NPAS3: variants seen among roughly 807,000 people sequenced by gnomAD.
NPAS3 encodes neuronal PAS domain protein 3, also known as neuronal PAS domain-containing protein 3.
A neutral mutation model predicts 73.1 loss-of-function variants in NPAS3; 14 were observed. That is an observed-to-expected ratio of 0.19 (90% CI 0.13 to 0.30). The LOEUF (loss-of-function observed/expected upper bound fraction) is 0.30. Among genes scored for constraint, NPAS3 ranks in the 10% least tolerant of loss-of-function variants. The pLI is 1.00. For synonymous variants in NPAS3, 620 were observed against 541.5 expected, an observed-to-expected ratio of 1.14 and a Z score of -2.01; for missense variants, 1,096 against 1,250.0, an observed-to-expected ratio of 0.88 and a Z score of 1.86.
At chr14:33,521,708 T>C (rs1443282433) in intron 4 of NPAS3, among the ~76,000 whole-genome samples, 1 of 152,172 alleles carries the variant, frequency 6.6e-6, no homozygotes, top group African/African-American at 2.4e-5. Flanking sequence ...TCTTCCCAAC[T>C]GAGTTTCTTA....
chr14:33,524,803 G>T (rs574997799), intron 4 of NPAS3, among the ~76,000 whole-genome samples: 21 of 152,092 alleles, frequency 1.4e-4, no homozygotes, highest in Non-Finnish European at 2.9e-4. Flanking sequence ...GATCATCTTT[G>T]GTGGACCATC....
chr14:33,302,095 A>G (rs1013573097), intron 3 of NPAS3, among the ~76,000 whole-genome samples: 7 of 152,214 alleles, frequency 4.6e-5, no homozygotes, highest in African/African-American at 1.7e-4. Flanking sequence ...ATGTTTTTAA[A>G]TAAATAAATG....
rs140279258 is a variant in NPAS3 at position 33,403,097 on chromosome 14, A to G, written c.468+35829A>G. Reference sequence around the variant, plus strand: ...GATCTATGAACAATAGAAAGTCACCAGATAAAACCTTCAATACCAGTTTTC... The same window carrying G: ...GATCTATGAACAATAGAAAGTCACCGGATAAAACCTTCAATACCAGTTTTC... On this transcript the variant is annotated intron_variant, in intron 4 of 11. Coordinates refer to ENST00000356141, the Ensembl canonical transcript of NPAS3. Among the ~76,000 whole-genome samples, 348 of 152,246 alleles carry G rather than the reference A, an allele frequency of 2.3e-3. 1 individual carries two copies. Among genetic ancestry groups the G allele is most frequent in the African/African-American group, 8.1e-3 (337 of 41,574 alleles).
chr14:33,076,434 C>T (rs370164921), intron 2 of NPAS3, among the ~76,000 whole-genome samples: 15 of 152,278 alleles, frequency 9.9e-5, no homozygotes, highest in Admixed American at 5.2e-4. Flanking sequence ...TATTTGTTAA[C>T]GATATTTACC....
chr14:33,198,491 C>A (rs937922399), intron 2 of NPAS3, among the ~76,000 whole-genome samples: 3 of 152,180 alleles, frequency 2.0e-5, no homozygotes, highest in Non-Finnish European at 4.4e-5. Flanking sequence ...CAAGTCCTCA[C>A]CAGATTAACT....
intron 1 of NPAS3, among the ~76,000 whole-genome samples, chr14:32,963,555 G>A (rs75048421): frequency 3.9e-5 from 6 of 151,998 alleles, no homozygotes; most frequent in East Asian, 3.9e-4. Context: ...ATCCCTGCAC[G>A]TACTTACTGA....
At chr14:32,992,510 C>T (rs73266705) in intron 1 of NPAS3, among the ~76,000 whole-genome samples, 3,368 of 152,112 alleles carry the variant, frequency 0.022, 79 homozygotes, top group African/African-American at 0.062. Context: ...CTCTGCTTGT[C>T]CCTGGCCTAG....
chr14:33,322,584 G>T (rs138033651), intron 3 of NPAS3, among the ~76,000 whole-genome samples: 1 of 151,670 alleles, frequency 6.6e-6, no homozygotes, highest in Admixed American at 6.6e-5. Flanking sequence ...TTTTGTCATT[G>T]ACGTTCCCTC....
At chr14:33,538,450 C>T (rs1001439926) in intron 4 of NPAS3, among the ~76,000 whole-genome samples, 19 of 152,192 alleles carry the variant, frequency 1.2e-4, no homozygotes, top group Admixed American at 7.2e-4. Context: ...CAGCAGTTTA[C>T]AACTCTCTTT....
intron 4 of NPAS3, among the ~76,000 whole-genome samples, chr14:33,399,289 T>G (rs879506793): frequency 3.9e-5 from 6 of 152,022 alleles, no homozygotes; most frequent in Non-Finnish European, 7.4e-5. Flanking sequence ...ATGGAGAGAG[T>G]CTGACATTAC....
chr14:33,260,639 A>G (rs1175539879), intron 3 of NPAS3, among the ~76,000 whole-genome samples: 1 of 152,094 alleles, frequency 6.6e-6, no homozygotes, highest in Non-Finnish European at 1.5e-5. Context: ...TATCTACACT[A>G]TATTTCAGAA....
At chr14:33,117,410 A>G (rs1000023548) in intron 2 of NPAS3, among the ~76,000 whole-genome samples, 3 of 152,080 alleles carry the variant, frequency 2.0e-5, no homozygotes, top group African/African-American at 7.2e-5. Context: ...TGCTATTCCT[A>G]GTAAGTATCT....
chr14:33,503,392 C>A (rs920875197), intron 4 of NPAS3, among the ~76,000 whole-genome samples: 1 of 151,704 alleles, frequency 6.6e-6, no homozygotes, highest in Non-Finnish European at 1.5e-5. Context: ...GTTTTAGGGA[C>A]GAAGATAATG....
At chr14:33,735,412 A>C in intron 7 of NPAS3, 80 bp downstream of exon 7, 2 of 963,086 alleles carry the variant, frequency 2.1e-6, no homozygotes, top group Non-Finnish European at 3.4e-6. Context: ...CAGCTGCTTT[A>C]GGTCCATATA....
chr14:33,680,615 C>G, intron 6 of NPAS3: 1 of 702,632 alleles, frequency 1.4e-6, no homozygotes, highest in South Asian at 1.5e-5. Flanking sequence ...GTTTGCTTCC[C>G]ACCAGCGAGT....
At chr14:33,164,795 ACT>A (rs1394039131) in intron 2 of NPAS3, among the ~76,000 whole-genome samples, 7 of 150,366 alleles carry the variant, frequency 4.7e-5, no homozygotes, top group African/African-American at 1.7e-4. Flanking sequence ...CAGGGTGCTG[ACT>A]CTCAGAACCC....
At position 33,500,131 on chromosome 14, in the gene NPAS3, T is replaced by A. The variant is rs2052439282; in HGVS notation, c.469-59990T>A. 3.3e-5 allele frequency among the ~76,000 whole-genome samples: 5 copies of A among 151,984 alleles called. No individual in the cohort carries two copies. In the South Asian group the frequency reaches 1.0e-3, roughly 31 times the overall value. On this transcript the variant is annotated intron_variant, in intron 4 of 11. Coordinates refer to ENST00000356141, the Ensembl canonical transcript of NPAS3. ...TTGAGGAAGGCACCTAACCATTTGG[T>A]GTCCAGCAATCACTGAGCCATATAC...
intron 6 of NPAS3, among the ~76,000 whole-genome samples, chr14:33,695,343 TAAC>T (rs1057465593): frequency 2.0e-5 from 3 of 152,222 alleles, no homozygotes; most frequent in African/African-American, 4.8e-5. Context: ...CATTGTTGTA[TAAC>T]AACGTTAGTT....
chr14:33,774,367 A>G, exon 8 of NPAS3: 1 of 1,614,004 alleles, frequency 6.2e-7, no homozygotes, highest in Non-Finnish European at 8.5e-7. Flanking sequence ...GCTACGCCTG[A>G]GAGTGTCGCT....
Sources: allele counts gnomAD v4.1 joint callset (sites outside exome capture counted in the v4.1 genomes callset), GRCh38; gene constraint gnomAD v4.1.1; transcripts MANE v1.5; gene names NCBI Gene and HGNC (gene_info 2026-07-23, HGNC 2026-07-21).